The following CSMD1 variants were observed in gnomAD, a reference collection of about 807,000 sequenced individuals.
The protein encoded by CSMD1 is CUB and Sushi multiple domains 1, also known as CUB and sushi domain-containing protein 1.
Under a neutral mutation model 417.5 loss-of-function variants are expected in CSMD1, and 213 were observed. The observed-to-expected ratio is 0.51, with a 90% CI of 0.46 to 0.57. The LOEUF (loss-of-function observed/expected upper bound fraction) is 0.57, where lower values mean the gene tolerates loss of function less well. Among genes scored for constraint, CSMD1 ranks in the 20% least tolerant of loss-of-function variants. CSMD1 has a pLI of 0.00. For synonymous variants in CSMD1, 2,862 were observed against 1,736.8 expected, an observed-to-expected ratio of 1.65 and a Z score of -16.11; for missense variants, 6,923 against 4,529.7, an observed-to-expected ratio of 1.53 and a Z score of -15.17.
intron 2 of CSMD1, among the ~76,000 whole-genome samples, chr8:4,571,088 T>A (rs2617099): frequency 0.66 from 100,497 of 151,956 alleles, 33,317 homozygotes; most frequent in African/African-American, 0.68. Context: ...CATTTCAGAA[T>A]ATCAGCTCCT....
At chr8:3,489,554 C>G (rs995065603) in intron 11 of CSMD1, among the ~76,000 whole-genome samples, 1 of 152,174 alleles carries the variant, frequency 6.6e-6, no homozygotes, top group Admixed American at 6.5e-5. Flanking sequence ...AAGAACTCAA[C>G]AGACATTTGC....
chr8:3,488,583 G>C (rs552546554), intron 11 of CSMD1, among the ~76,000 whole-genome samples: 1 of 152,112 alleles, frequency 6.6e-6, no homozygotes, highest in African/African-American at 2.4e-5. Flanking sequence ...TATATCAGTA[G>C]GCTAATTCCT....
chr8:3,523,885 G>A (rs1346295755), intron 10 of CSMD1, among the ~76,000 whole-genome samples: 2 of 120,840 alleles, frequency 1.7e-5, no homozygotes, highest in Non-Finnish European at 3.4e-5. Context: ...GCACACACAT[G>A]CACAGAGACA....
intron 7 of CSMD1, among the ~76,000 whole-genome samples, chr8:3,665,732 A>G (rs1253720288): frequency 6.7e-6 from 1 of 150,002 alleles, no homozygotes; most frequent in African/African-American, 2.4e-5. Flanking sequence ...AATGAATTAA[A>G]GTCATTAAAA....
At position 3,049,466 on chromosome 8, in the gene CSMD1, G is replaced by T. The variant is rs531123250; in HGVS notation, c.7660+2996C>A. 4.3e-4 allele frequency among the ~76,000 whole-genome samples: 66 copies of T among 152,240 alleles called. No individual in the cohort carries two copies. In the Middle Eastern group the frequency reaches 0.014, roughly 31 times the overall value. ...GAAACTTAAACGCTTATTACTAAGT[G>T]AAAGAAGCCAATCTGAAAGGCTAGG... On this transcript the variant is annotated intron_variant, in intron 50 of 69. Coordinates refer to ENST00000635120, the MANE Select transcript of CSMD1 (RefSeq NM_033225.6).
rs1392693757 is a variant in CSMD1 at position 4,682,419 on chromosome 8, C to G, written c.86-44861G>C. Among the ~76,000 whole-genome samples, 6 of 151,832 alleles carry G rather than the reference C, an allele frequency of 4.0e-5. No individual in the cohort carries two copies. The East Asian group carries it at 1.2e-3, about 29-fold the overall frequency. On this transcript the variant is annotated intron_variant, in intron 1 of 69. Coordinates refer to ENST00000635120, the MANE Select transcript of CSMD1 (RefSeq NM_033225.6). Reference sequence around the variant, plus strand: ...CCTCAGGTATGCATTTAGTAATTTTCAAATTTCGATGATTTGCTATGAATT... The same window carrying G: ...CCTCAGGTATGCATTTAGTAATTTTGAAATTTCGATGATTTGCTATGAATT...
At chr8:4,045,772 C>T (rs1798117493) in intron 3 of CSMD1, among the ~76,000 whole-genome samples, 1 of 152,158 alleles carries the variant, frequency 6.6e-6, no homozygotes, top group African/African-American at 2.4e-5. Context: ...GACTAAATTA[C>T]ACACTTTAAA....
At chr8:3,553,938 C>A (rs1362447728) in intron 10 of CSMD1, among the ~76,000 whole-genome samples, 1 of 152,002 alleles carries the variant, frequency 6.6e-6, no homozygotes, top group Non-Finnish European at 1.5e-5. Flanking sequence ...CGTAATGGGG[C>A]AAAACAGAAT....
chr8:4,599,035 T>C (rs2130757663), intron 2 of CSMD1, among the ~76,000 whole-genome samples: 1 of 152,360 alleles, frequency 6.6e-6, no homozygotes, highest in East Asian at 1.9e-4. Flanking sequence ...TTAAACTCTT[T>C]ACTTATTTCT....
chr8:3,557,290 C>T (rs1017039991), intron 10 of CSMD1, among the ~76,000 whole-genome samples: 1 of 152,154 alleles, frequency 6.6e-6, no homozygotes, highest in Non-Finnish European at 1.5e-5. Flanking sequence ...ACAGCTGTAC[C>T]TATTTTTAAC....
chr8:4,855,191 G>T (rs1801723776), intron 1 of CSMD1, among the ~76,000 whole-genome samples: 1 of 149,924 alleles, frequency 6.7e-6, no homozygotes, highest in Non-Finnish European at 1.5e-5. Flanking sequence ...CAACAGACCT[G>T]CAGCTGACGG....
intron 7 of CSMD1, among the ~76,000 whole-genome samples, chr8:3,618,460 T>C (rs566147439): frequency 6.6e-6 from 1 of 150,904 alleles, no homozygotes; most frequent in Non-Finnish European, 1.5e-5. Context: ...TTTATTTCTT[T>C]TTTAAAATAA....
At chr8:3,981,246 G>A (rs767089266) in intron 5 of CSMD1, among the ~76,000 whole-genome samples, 7 of 152,100 alleles carry the variant, frequency 4.6e-5, no homozygotes, top group Non-Finnish European at 1.0e-4. Flanking sequence ...CTCAGGCGTT[G>A]AAAACCAAAC....
intron 12 of CSMD1, among the ~76,000 whole-genome samples, chr8:3,456,934 C>T (rs1816187298): frequency 6.6e-6 from 1 of 152,048 alleles, no homozygotes; most frequent in Admixed American, 6.6e-5. Context: ...AGCCCTCCTG[C>T]TGCACTGTCT....
At chr8:3,129,886 T>C (rs1325936746) in intron 41 of CSMD1, among the ~76,000 whole-genome samples, 1 of 151,798 alleles carries the variant, frequency 6.6e-6, no homozygotes, top group East Asian at 1.9e-4. Flanking sequence ...CTATTCAGCA[T>C]GGGAGAATCA....
At chr8:4,744,388 AC>A (rs1265028294) in intron 1 of CSMD1, among the ~76,000 whole-genome samples, 1 of 151,990 alleles carries the variant, frequency 6.6e-6, no homozygotes, top group African/African-American at 2.4e-5. Context: ...CTCTTCTCCA[AC>A]CTCTCAGTTC....
At chr8:3,609,434 G>C (rs372385500) in intron 8 of CSMD1, among the ~76,000 whole-genome samples, 1 of 152,146 alleles carries the variant, frequency 6.6e-6, no homozygotes, top group Non-Finnish European at 1.5e-5. Context: ...AAACTGACTT[G>C]AATTCAAATA....
At chr8:3,749,810 T>C (rs1322270890) in intron 6 of CSMD1, among the ~76,000 whole-genome samples, 3 of 152,074 alleles carry the variant, frequency 2.0e-5, no homozygotes, top group African/African-American at 7.2e-5. Flanking sequence ...TCTTTCCATG[T>C]TTGTTTATTA....
intron 12 of CSMD1, among the ~76,000 whole-genome samples, chr8:3,439,298 TATATATATA>T (rs1161409809): frequency 3.5e-4 from 21 of 59,768 alleles, no homozygotes; most frequent in East Asian, 6.6e-4. Flanking sequence ...TATATATATA[TATATATATA>T]TATTTTTTTT....
Sources: gnomAD v4.1 joint callset for allele counts (sites outside exome capture counted in the v4.1 genomes callset) on GRCh38, gnomAD v4.1.1 for gene constraint, MANE v1.5 for transcripts, NCBI Gene and HGNC (gene_info 2026-07-23, HGNC 2026-07-21) for gene names.